GSS: variants seen among roughly 807,000 people sequenced by gnomAD.
GSS encodes the protein GSH synthetase.
A neutral mutation model predicts 60.4 loss-of-function variants in GSS; 34 were observed. The observed-to-expected ratio is 0.56, with a 90% CI of 0.43 to 0.75. The LOEUF (loss-of-function observed/expected upper bound fraction) is 0.75. Ranked by LOEUF, GSS falls within the 30% of genes least tolerant of loss-of-function variation. The probability of loss-of-function intolerance (pLI) is 0.00; values close to 1 mark genes in which losing one functional copy is unlikely to be tolerated. For missense variants in GSS, 499 were observed against 595.1 expected (o/e 0.84, Z 1.68); for synonymous variants, 224 against 239.0 (o/e 0.94, Z 0.58).
At chr20:34,929,987 G>A (rs2081388511) in intron 11 of GSS, among the ~76,000 whole-genome samples, 1 of 152,074 alleles carries the variant, frequency 6.6e-6, no homozygotes, top group Admixed American at 6.5e-5. Context: ...TTAACTTCCG[G>A]CCGGGCATGG....
chr20:34,942,973 G>T lies in GSS; in HGVS notation c.309C>A (p.Leu103=). 6.2e-7 allele frequency: 1 copy of T among 1,612,404 alleles called. No homozygotes were observed. The highest frequency in any genetic ancestry group is 8.5e-7 in the Non-Finnish European group (1 of 1,178,974). The stretch of plus-strand genomic sequence containing the variant: ...TTAGGACTTGCTTGTGGATGTCAAA[G>T]AGACGAGCGGTAAAGTCATCCTGTT... ...TIKQDDFTAR[L]FDIHKQVLKE... Residue 103 remains leucine (L), a synonymous_variant, in exon 4 of 13, where the codon CTC becomes CTA. Coordinates refer to ENST00000651619, the MANE Select transcript of GSS (RefSeq NM_000178.4).
At position 34,931,015 on chromosome 20, in the gene GSS, A is replaced by C. The variant is rs188696299; in HGVS notation, c.1111+321T>G. 7.9e-4 allele frequency among the ~76,000 whole-genome samples: 121 copies of C among 152,232 alleles called. 1 individual carries two copies. The East Asian group carries it at 0.017, about 21-fold the overall frequency. On this transcript the variant is annotated intron_variant, in intron 11 of 12. Transcript: ENST00000651619. Reference sequence around the variant, plus strand: ...AGAGGCAGACATGACCCCTGACCTCAAGGAGTTTCAAACTAGAAAGGAAAA... The same window carrying C: ...AGAGGCAGACATGACCCCTGACCTCCAGGAGTTTCAAACTAGAAAGGAAAA...
intron 9 of GSS, among the ~76,000 whole-genome samples, chr20:34,935,158 T>C (rs533264870): frequency 1.3e-5 from 2 of 152,312 alleles, no homozygotes; most frequent in African/African-American, 2.4e-5. Context: ...CATGGTAGGA[T>C]AGCAAAATGA....
chr20:34,936,743 G>T lies in GSS; in HGVS notation c.767+20C>A. ...GAGTTTCATAAACCAGCCTTCCACT[G>T]GATTCTTGGGAATGCTTACACAAAC... On this transcript the variant is annotated intron_variant, in intron 8 of 12. Transcript: ENST00000651619. 6.4e-7 allele frequency: 1 copy of T among 1,566,380 alleles called. No individual in the cohort carries two copies. The highest frequency in any genetic ancestry group is 2.2e-5 in the East Asian group (1 of 44,668).
intron 8 of GSS, 123 bp downstream of exon 8, chr20:34,936,640 C>T (rs2081442669): frequency 2.4e-6 from 2 of 850,830 alleles, no homozygotes; most frequent in South Asian, 2.6e-5. Flanking sequence ...TGAGATATTT[C>T]AGGAATTATG....
At chr20:34,953,493 T>G (rs2081584640) in intron 1 of GSS, among the ~76,000 whole-genome samples, 1 of 152,152 alleles carries the variant, frequency 6.6e-6, no homozygotes. Flanking sequence ...GAGTCCATAA[T>G]AATACGACTT....
chr20:34,949,301 G>C (rs960897083), intron 2 of GSS: 2 of 152,158 alleles, frequency 1.3e-5, no homozygotes, highest in African/African-American at 4.8e-5. Context: ...TGATCTACAG[G>C]ATAAAGTTCA....
chr20:34,930,803 C>A (rs559218087), intron 11 of GSS, among the ~76,000 whole-genome samples: 4 of 152,242 alleles, frequency 2.6e-5, no homozygotes, highest in African/African-American at 7.2e-5. Context: ...AGCCTAAATC[C>A]CTGTCCCCTC....
intron 4 of GSS, 133 bp downstream of exon 4, chr20:34,942,798 A>T: frequency 2.1e-6 from 2 of 932,014 alleles, no homozygotes; most frequent in Non-Finnish European, 3.4e-6. Context: ...TCACTGGGAT[A>T]AACCCAGTGA....
chr20:34,942,009 C>T (rs1159608047), intron 5 of GSS, among the ~76,000 whole-genome samples, 180 bp from the exon 6 acceptor site: 1 of 152,128 alleles, frequency 6.6e-6, no homozygotes, highest in Non-Finnish European at 1.5e-5. Flanking sequence ...CTAACCTTGG[C>T]CCCTGGTGTA....
At chr20:34,945,755 G>A (rs2081515869) in intron 3 of GSS, among the ~76,000 whole-genome samples, 198 bp downstream of exon 3, 1 of 152,192 alleles carries the variant, frequency 6.6e-6, no homozygotes, top group African/African-American at 2.4e-5. Context: ...GAAAGGGAGT[G>A]GCTTGAGGCC....
intron 1 of GSS, among the ~76,000 whole-genome samples, chr20:34,953,251 G>A (rs573856154): frequency 1.3e-5 from 2 of 152,318 alleles, no homozygotes; most frequent in Admixed American, 1.3e-4. Flanking sequence ...CAGGAAGGGA[G>A]TTAGAGAATA....
intron 1 of GSS, chr20:34,955,328 C>G (rs17092185): frequency 0.049 from 7,420 of 152,298 alleles, 582 homozygotes; most frequent in African/African-American, 0.17. Context: ...AAATCGGTCG[C>G]ACTTTATCGC....
chr20:34,932,907 G>A lies in GSS; in HGVS notation c.835-774C>T, dbSNP rs182193100. On this transcript the variant is annotated intron_variant, in intron 9 of 12. Transcript: ENST00000651619. ...GTCACCCAGACTGGAGTGCAACAGC[G>A]CAATCTTGGCTCACTGCAACTTCTA... Among the ~76,000 whole-genome samples, 8 of 151,914 alleles carry A rather than the reference G, an allele frequency of 5.3e-5. No homozygotes were observed. The East Asian group carries it at 9.7e-4, about 18-fold the overall frequency.
rs905886487 is a variant in GSS at position 34,951,963 on chromosome 20, C to A, written c.-8-103G>T. 14 of 1,209,708 alleles carry A rather than the reference C, an allele frequency of 1.2e-5. No homozygotes were observed. The African/African-American group carries it at 1.8e-4, about 15-fold the overall frequency. The allele number at this position is 1,209,708 out of a possible 1,614,324, so 74.9% of individuals were successfully genotyped here. On this transcript the variant is annotated intron_variant, in intron 1 of 12. Transcript: ENST00000651619. ...CCCCAACACAGCAGGACCCTGACCT[C>A]TGTTGGAAGGGAACAGCGTGGTATA...
intron 10 of GSS, chr20:34,931,658 T>C: frequency 6.4e-6 from 4 of 628,528 alleles, no homozygotes; most frequent in Non-Finnish European, 1.1e-5. Context: ...GGCAGCCTGA[T>C]ACACTTCTCA....
At chr20:34,952,986 C>A (rs779948962) in intron 1 of GSS, 1 of 152,214 alleles carries the variant, frequency 6.6e-6, no homozygotes, top group Non-Finnish European at 1.5e-5. Context: ...CACCAAAAGA[C>A]AGAAAATATT....
chr20:34,950,630 G>A (rs925668103), intron 2 of GSS, among the ~76,000 whole-genome samples: 8 of 151,858 alleles, frequency 5.3e-5, no homozygotes, highest in South Asian at 2.1e-4. Context: ...TTAGCCAGGC[G>A]TAGTGGCACA....
intron 5 of GSS, 50 bp downstream of exon 5, chr20:34,942,438 C>T: frequency 1.3e-6 from 2 of 1,554,144 alleles, no homozygotes; most frequent in Non-Finnish European, 8.8e-7. Flanking sequence ...ACTGTACACC[C>T]ATCAGCATGT....
Sources: gnomAD v4.1 joint callset for allele counts (sites outside exome capture counted in the v4.1 genomes callset) on GRCh38, gnomAD v4.1.1 for gene constraint, MANE v1.5 for transcripts, NCBI Gene and HGNC (gene_info 2026-07-23, HGNC 2026-07-21) for gene names.